Variants in ZNF548 observed in about 807,000 individuals in gnomAD.
The protein encoded by ZNF548 is zinc finger protein 548.
In ZNF548, 10 loss-of-function variants were observed where a neutral mutation model predicts 10.2. That is an observed-to-expected ratio of 0.98 (90% CI 0.60 to 1.66). The LOEUF is 1.66. ZNF548 is among the 40% of genes most tolerant of loss of function. The pLI, the probability that ZNF548 is intolerant of heterozygous loss-of-function variation, is 0.00. For missense variants in ZNF548, 599 were observed against 657.0 expected (o/e 0.91, Z 0.97); for synonymous variants, 217 against 223.5 (o/e 0.97, Z 0.26).
chr19:57,394,052 A>G (rs1008527735), intron 1 of ZNF548, 136 bp from the exon 2 acceptor site: 6 of 897,576 alleles, frequency 6.7e-6, no homozygotes, highest in African/African-American at 5.0e-5. Flanking sequence ...GAGCTGCAGC[A>G]CTGAGGCCTG....
intron 3 of ZNF548, 138 bp from the exon 4 acceptor site, chr19:57,398,292 C>T (rs938810847): frequency 4.0e-6 from 6 of 1,499,432 alleles, no homozygotes; most frequent in East Asian, 2.3e-5. Context: ...AGTGGACCCT[C>T]CTCTCACTGG....
At chr19:57,396,024 C>T (rs1203897222) in intron 2 of ZNF548, among the ~76,000 whole-genome samples, 1 of 152,118 alleles carries the variant, frequency 6.6e-6, no homozygotes, top group African/African-American at 2.4e-5. Context: ...GGATGCTGAG[C>T]GTATTTGCCG....
At chr19:57,390,224 G>C in intron 1 of ZNF548, 110 bp downstream of exon 1, 1 of 1,300,986 alleles carries the variant, frequency 7.7e-7, no homozygotes, top group South Asian at 1.4e-5. Context: ...GGGCGTTCCT[G>C]TGTGGGGTCC....
chr19:57,399,026 C>T lies in ZNF548; in HGVS notation c.775C>T (p.His259Tyr), dbSNP rs1407851536. 1 of 1,614,200 alleles carries T rather than the reference C, an allele frequency of 6.2e-7. No individual in the cohort carries two copies. Residue 259 changes from histidine (H) to tyrosine (Y), a missense_variant, in exon 4 of 4, where the codon CAC becomes TAC. Physicochemically the swap from His to Tyr is moderately conservative, Grantham distance 83 (BLOSUM62 2). Coordinates refer to ENST00000336128, the MANE Select transcript of ZNF548 (RefSeq NM_001172773.2). The surrounding 1 kb of genome is among the most constrained non-coding windows in gnomAD (Gnocchi z 4.0). ...CAATTTCATGAAACATCAGACAGTT[C>T]ACACTAGTGAAAGGACTTATGAGTG... ...SANFMKHQTV[H>Y]TSERTYECRE...
In ZNF548 at chr19:57,390,065, G is replaced by A. The variant is rs753772175; in HGVS notation, c.-35G>A. 4 of 1,607,246 alleles carry A rather than the reference G, an allele frequency of 2.5e-6. No individual in the cohort carries two copies. In the South Asian group the frequency reaches 4.4e-5, roughly 18 times the overall value. On this transcript the variant is annotated 5_prime_UTR_variant, in exon 1 of 4. Transcript: ENST00000336128. The stretch of plus-strand genomic sequence containing the variant: ...GTCTTGCCTTTGTCGCTCCCGCCCC[G>A]CTCTTCCCTGGCTGGGCTGGCGGAG...
chr19:57,394,719 A>C (rs957492332), intron 2 of ZNF548, among the ~76,000 whole-genome samples: 6 of 152,194 alleles, frequency 3.9e-5, no homozygotes, highest in South Asian at 2.1e-4. Flanking sequence ...AGGGTAATGG[A>C]AGGGAGATCT....
At chr19:57,397,265 G>C in intron 3 of ZNF548, 91 bp downstream of exon 3, 1 of 1,448,160 alleles carries the variant, frequency 6.9e-7, no homozygotes, top group Non-Finnish European at 9.1e-7. Context: ...CAGTGAGACC[G>C]TGGGTGCTGC....
Position 57,400,067 on chromosome 19 carries a change from G to A in ZNF548, c.*178G>A. 1.8e-6 allele frequency: 1 copy of A among 569,114 alleles called. No homozygotes were observed. The highest frequency in any genetic ancestry group is 3.2e-5 in the Admixed American group (1 of 31,712). The allele number at this position is 569,114 out of a possible 1,614,324, so 35.3% of individuals were successfully genotyped here. A position where few individuals can be genotyped will look rare whatever the true frequency, so the allele number is the denominator to read the frequency against. ...TTTCTATACTCTATGGTACTTATAT[G>A]AGGTACCAATAGATATCTATGAATT... On this transcript the variant is annotated 3_prime_UTR_variant, in exon 4 of 4. Coordinates refer to ENST00000336128, the MANE Select transcript of ZNF548 (RefSeq NM_001172773.2).
intron 3 of ZNF548, among the ~76,000 whole-genome samples, chr19:57,397,644 C>G (rs1409035510): frequency 1.3e-5 from 2 of 152,168 alleles, no homozygotes; most frequent in African/African-American, 4.8e-5. Flanking sequence ...TGTGGGATGC[C>G]ATGGGCTTGA....
Position 57,399,710 on chromosome 19 carries a change from A to G in ZNF548, c.1459A>G (p.Arg487Gly). 6.2e-7 allele frequency: 1 copy of G among 1,614,206 alleles called. No homozygotes were observed. The highest frequency in any genetic ancestry group is 1.1e-5 in the South Asian group (1 of 91,088). ...VEHQKIHSGE[R>G]PYECSECQKA... is the part of the protein sequence containing the mutation. ...GCACCAGAAAATCCACAGTGGAGAA[A>G]GACCTTATGAGTGCAGCGAATGCCA... is the stretch of plus-strand genomic sequence containing the variant. The change falls in exon 4 of 4, where the codon AGA (arginine) becomes GGA (glycine). Residue 487 changes from arginine to glycine, a missense_variant. Physicochemically the swap from Arg to Gly is moderately radical, Grantham distance 125 (BLOSUM62 -2). Transcript: ENST00000336128. The surrounding 1 kb of genome is among the most constrained non-coding windows in gnomAD (Gnocchi z 4.0).
chr19:57,395,340 GCTAA>G lies in ZNF548; in HGVS notation c.51+1121_51+1124del, dbSNP rs1467161502. ...GATAATAGGGTGAGGTCGGAGAGTT[GCTAA>G]CTATCAGTTGGGAGGAGGTGAGGAT... On this transcript the variant is annotated intron_variant, in intron 2 of 3. Coordinates refer to ENST00000336128, the MANE Select transcript of ZNF548 (RefSeq NM_001172773.2). This position sits in a 1 kb window ranked among gnomAD's most constrained non-coding sequence, Gnocchi z 4.8. 2.6e-5 allele frequency among the ~76,000 whole-genome samples: 4 copies of G among 152,156 alleles called. No individual in the cohort carries two copies. Among genetic ancestry groups the G allele is most frequent in the Non-Finnish European group, 4.4e-5 (3 of 68,016 alleles).
chr19:57,394,738 G>A (rs2088653309), intron 2 of ZNF548, among the ~76,000 whole-genome samples: 1 of 152,212 alleles, frequency 6.6e-6, no homozygotes, highest in Non-Finnish European at 1.5e-5. Flanking sequence ...CTGAGAGGAT[G>A]TTCCTGCAGC....
rs2088692590 is a variant in ZNF548, at chr19:57,399,191, G to A, written c.940G>A (p.Val314Ile). Reference sequence around the variant, plus strand: ...CTCCACATTTGTTAGACATCAGAGAGTTCACACCGGAGAAAGGCCGTATGA... The same window carrying A: ...CTCCACATTTGTTAGACATCAGAGAATTCACACCGGAGAAAGGCCGTATGA... ...YSSTFVRHQR[V>I]HTGERPYECR... The change falls in exon 4 of 4, where the codon GTT (valine) becomes ATT (isoleucine). Residue 314 changes from valine (V) to isoleucine (I), a missense_variant. By Grantham distance (29) the Val-to-Ile change is conservative (BLOSUM62 3). Coordinates refer to ENST00000336128, the MANE Select transcript of ZNF548 (RefSeq NM_001172773.2). The surrounding 1 kb of genome is among the most constrained non-coding windows in gnomAD (Gnocchi z 4.0). The A allele has an allele frequency of 6.2e-7, 1 of 1,613,598 alleles. No homozygotes were observed. The highest frequency in any genetic ancestry group is 1.3e-5 in the African/African-American group (1 of 74,748).
intron 1 of ZNF548, chr19:57,392,720 G>T (rs562547050): frequency 1.0e-6 from 1 of 957,410 alleles, no homozygotes; most frequent in African/African-American, 1.8e-5. Context: ...TTACCATGCT[G>T]TTTTGGTTAC....
intron 1 of ZNF548, among the ~76,000 whole-genome samples, chr19:57,393,697 C>G (rs531709817): frequency 4.5e-5 from 1 of 22,422 alleles, no homozygotes; most frequent in Non-Finnish European, 8.5e-5. Flanking sequence ...GAGGGGAGGG[C>G]AGAGGAGGGG....
At chr19:57,393,394 C>T (rs879314142) in intron 1 of ZNF548, among the ~76,000 whole-genome samples, 1 of 151,994 alleles carries the variant, frequency 6.6e-6, no homozygotes, top group Non-Finnish European at 1.5e-5. Context: ...GGTGTGGTGG[C>T]TCACACCTGT....
Position 57,399,044 on chromosome 19 carries a change from T to C in ZNF548, c.793T>C (p.Tyr265His), listed in dbSNP as rs1277361748. ...HQTVHTSERT[Y>H]ECRECGKSFM... Reference sequence around the variant, plus strand: ...GACAGTTCACACTAGTGAAAGGACTTATGAGTGCAGAGAATGTGGAAAATC... The same window carrying C: ...GACAGTTCACACTAGTGAAAGGACTCATGAGTGCAGAGAATGTGGAAAATC... The change falls in exon 4 of 4, where the codon TAT becomes CAT. Residue 265 changes from tyrosine (Y) to histidine (H), a missense_variant. Physicochemically the swap from Tyr to His is moderately conservative, Grantham distance 83 (BLOSUM62 2). Transcript: ENST00000336128. The surrounding 1 kb of genome is among the most constrained non-coding windows in gnomAD (Gnocchi z 4.0). The C allele has an allele frequency of 6.2e-7, 1 of 1,614,116 alleles. No homozygotes were observed. Among genetic ancestry groups the C allele is most frequent in the Non-Finnish European group, 8.5e-7 (1 of 1,180,042 alleles).
Position 57,399,213 on chromosome 19 carries a change from A to G in ZNF548, c.962A>G (p.Tyr321Cys), listed in dbSNP as rs376071476. ...HQRVHTGERP[Y>C]ECRECGKFFM... ...AGAGTTCACACCGGAGAAAGGCCGT[A>G]TGAGTGCAGGGAATGTGGGAAATTC... is the stretch of plus-strand genomic sequence containing the variant. Residue 321 changes from tyrosine to cysteine, a missense_variant, in exon 4 of 4, where the codon TAT (tyrosine) becomes TGT (cysteine). Coordinates refer to ENST00000336128, the MANE Select transcript of ZNF548 (RefSeq NM_001172773.2). The surrounding 1 kb of genome is among the most constrained non-coding windows in gnomAD (Gnocchi z 4.0). The G allele has an allele frequency of 4.3e-6, 7 of 1,614,086 alleles. No individual in the cohort carries two copies. Among genetic ancestry groups the G allele is most frequent in the African/African-American group, 2.7e-5 (2 of 74,924 alleles).
In ZNF548 at chr19:57,398,672, A is replaced by G. The variant is rs749722623; in HGVS notation, c.421A>G (p.Asn141Asp). 4.3e-6 allele frequency: 7 copies of G among 1,613,894 alleles called. No individual in the cohort carries two copies. The Admixed American group carries it at 5.0e-5, about 12-fold the overall frequency. The stretch of plus-strand genomic sequence containing the variant: ...GCACCCAAAGCAGCAAATTGGAGAA[A>G]ATCTTTCCAGAGGGGATGATTGGAT... ...FQHPKQQIGE[N>D]LSRGDDWIPS... is the part of the protein sequence containing the mutation. The change falls in exon 4 of 4, where the codon AAT becomes GAT. Residue 141 changes from asparagine to aspartate, a missense_variant. Physicochemically the swap from Asn to Asp is conservative, Grantham distance 23. Coordinates refer to ENST00000336128, the MANE Select transcript of ZNF548 (RefSeq NM_001172773.2).
Sources: gnomAD v4.1 joint callset for allele counts (sites outside exome capture counted in the v4.1 genomes callset) on GRCh38, gnomAD v4.1.1 for gene constraint, Gnocchi (gnomAD v3.1) non-coding constraint, MANE v1.5 for transcripts, NCBI Gene and HGNC (gene_info 2026-07-23, HGNC 2026-07-21) for gene names.